WDR53: variants seen among roughly 807,000 people sequenced by gnomAD.
WDR53 encodes the protein WD repeat domain 53, also known as WD repeat-containing protein 53.
WDR53 carries 19 observed loss-of-function variants against 21.3 expected under a neutral mutation model. The ratio of observed to expected loss-of-function variants is 0.89; its 90% confidence interval spans 0.62 to 1.31. WDR53 has a LOEUF of 1.31. Among genes scored for constraint, WDR53 ranks in the 50% most tolerant of loss-of-function variants. The probability of loss-of-function intolerance (pLI) is 0.00; values close to 1 mark genes in which losing one functional copy is unlikely to be tolerated. For missense variants in WDR53, 374 were observed against 423.2 expected (o/e 0.88, Z 1.02); for synonymous variants, 157 against 163.4 (o/e 0.96, Z 0.30).
chr3:196,560,228 T>C (rs1734694574), intron 3 of WDR53, among the ~76,000 whole-genome samples: 1 of 150,314 alleles, frequency 6.7e-6, no homozygotes, highest in Non-Finnish European at 1.5e-5. Flanking sequence ...GGGCAATTTG[T>C]GATGCTCCTT....
intron 2 of WDR53, among the ~76,000 whole-genome samples, chr3:196,565,040 C>T (rs1031320733): frequency 6.6e-6 from 1 of 152,136 alleles, no homozygotes; most frequent in Non-Finnish European, 1.5e-5. Flanking sequence ...AGGCAATAAA[C>T]GAATTTTGTC....
At chr3:196,557,474 C>A (rs1010583258) in intron 3 of WDR53, among the ~76,000 whole-genome samples, 1 of 152,056 alleles carries the variant, frequency 6.6e-6, no homozygotes, top group Non-Finnish European at 1.5e-5. Context: ...TGAGGGAGTG[C>A]GAGGCTGCGG....
rs1734860680 is a variant in WDR53, at chr3:196,561,440, A to G, written c.36T>C (p.Pro12=). 1 of 1,613,984 alleles carries G rather than the reference A, an allele frequency of 6.2e-7. No individual in the cohort carries two copies. Among genetic ancestry groups the G allele is most frequent in the Admixed American group, 1.7e-5 (1 of 59,994 alleles). The stretch of plus-strand genomic sequence containing the variant: ...CTTTACTTGCATTCAGGCAGAGGAC[A>G]GGAGAAGAATGCCCACCCGTCCACT... ...AVKWTGGHSS[P]VLCLNASKEG... Residue 12 remains proline (P), a synonymous_variant, in exon 3 of 4, where the codon CCT becomes CCC. Coordinates refer to ENST00000332629, the MANE Select transcript of WDR53 (RefSeq NM_182627.3).
At chr3:196,563,318 G>T (rs1242778954) in intron 2 of WDR53, among the ~76,000 whole-genome samples, 1 of 152,180 alleles carries the variant, frequency 6.6e-6, no homozygotes, top group East Asian at 1.9e-4. Context: ...GTGCCCGCCT[G>T]CTGGTCAAGG....
At chr3:196,557,576 G>T (rs907837581) in intron 3 of WDR53, among the ~76,000 whole-genome samples, 5 of 152,050 alleles carry the variant, frequency 3.3e-5, no homozygotes, top group Non-Finnish European at 5.9e-5. Flanking sequence ...TACCATCCTG[G>T]TCTGTAAGTG....
intron 3 of WDR53, among the ~76,000 whole-genome samples, chr3:196,555,361 T>C (rs1186849162): frequency 1.3e-5 from 2 of 152,212 alleles, no homozygotes; most frequent in Non-Finnish European, 2.9e-5. Context: ...TTCTATTCTA[T>C]TAATTGACAT....
At chr3:196,558,864 AGT>A (rs750333165) in intron 3 of WDR53, among the ~76,000 whole-genome samples, 5 of 152,268 alleles carry the variant, frequency 3.3e-5, no homozygotes, top group Non-Finnish European at 7.3e-5. Flanking sequence ...ATCACAACCC[AGT>A]GTAGAAACAA....
At chr3:196,563,273 C>T (rs956325263) in intron 2 of WDR53, among the ~76,000 whole-genome samples, 1 of 152,164 alleles carries the variant, frequency 6.6e-6, no homozygotes, top group Non-Finnish European at 1.5e-5. Flanking sequence ...CCCAGATATA[C>T]ACACACTGGA....
chr3:196,559,733 G>C (rs1012188088), intron 3 of WDR53, among the ~76,000 whole-genome samples: 1 of 152,104 alleles, frequency 6.6e-6, no homozygotes, highest in African/African-American at 2.4e-5. Context: ...CCCAAACCAA[G>C]AAACTTTTCT....
intron 3 of WDR53, among the ~76,000 whole-genome samples, chr3:196,559,665 G>A (rs11707537): frequency 0.41 from 61,588 of 151,934 alleles, 13,064 homozygotes; most frequent in Middle Eastern, 0.53. Context: ...TTAAATGCCT[G>A]AACAGTGCTG....
At chr3:196,564,839 C>T (rs942329985) in intron 2 of WDR53, among the ~76,000 whole-genome samples, 1 of 152,166 alleles carries the variant, frequency 6.6e-6, no homozygotes. Context: ...TTCTCTGAAA[C>T]AAGAATGAGG....
chr3:196,566,350 A>AG (rs1033043873), intron 2 of WDR53, among the ~76,000 whole-genome samples: 1 of 151,576 alleles, frequency 6.6e-6, no homozygotes, highest in Non-Finnish European at 1.5e-5. Flanking sequence ...GGCCTCCCAA[A>AG]GTGCTGGGAT....
Position 196,568,521 on chromosome 3 carries a change from G to C in WDR53, c.-450C>G, listed in dbSNP as rs1735668460. On this transcript the variant is annotated splice_region_variant and 5_prime_UTR_variant, in exon 1 of 4. Coordinates refer to ENST00000332629, the MANE Select transcript of WDR53 (RefSeq NM_182627.3). ...AGCCACCGGCGCCAGCCTCATACCTGCGCTTCCCGCTCCCCTCCTCGGCGC... is the reference window on the plus strand; with the variant it reads ...AGCCACCGGCGCCAGCCTCATACCTCCGCTTCCCGCTCCCCTCCTCGGCGC... 1 of 152,420 alleles carries C rather than the reference G, an allele frequency of 6.6e-6. No individual in the cohort carries two copies. The highest frequency in any genetic ancestry group is 2.4e-5 in the African/African-American group (1 of 41,472). 9.4% of individuals were successfully genotyped at this position (152,420 alleles called of 1,614,324 possible).
chr3:196,566,835 T>C, intron 2 of WDR53, 42 bp downstream of exon 2: 1 of 177,244 alleles, frequency 5.6e-6, no homozygotes, highest in Non-Finnish European at 1.2e-5. Flanking sequence ...AGGTGAAAGA[T>C]TTGTAAAAAA....
At chr3:196,565,919 C>T (rs1185876916) in intron 2 of WDR53, among the ~76,000 whole-genome samples, 5 of 152,312 alleles carry the variant, frequency 3.3e-5, no homozygotes, top group African/African-American at 1.2e-4. Flanking sequence ...GTCACCATCC[C>T]CACATTCACG....
chr3:196,554,668 G>A lies in WDR53; in HGVS notation c.620C>T (p.Ser207Leu), dbSNP rs757530555. ...PALAHSISVA[S>L]CGNIFSCGAE... Reference sequence around the variant, plus strand: ...ACCACAACTAAAAATATTACCACACGAAGCCACAGAGATAGAATGGGCTAG... The same window carrying A: ...ACCACAACTAAAAATATTACCACACAAAGCCACAGAGATAGAATGGGCTAG... Residue 207 changes from serine (S) to leucine (L), a missense_variant, in exon 4 of 4, where the codon TCG becomes TTG. Transcript: ENST00000332629. 37 of 1,614,078 alleles carry A rather than the reference G, an allele frequency of 2.3e-5. No homozygotes were observed. Among genetic ancestry groups the A allele is most frequent in the South Asian group, 2.2e-5 (2 of 91,076 alleles).
chr3:196,560,088 T>G (rs989049019), intron 3 of WDR53, among the ~76,000 whole-genome samples: 2 of 152,212 alleles, frequency 1.3e-5, no homozygotes, highest in African/African-American at 4.8e-5. Context: ...TGCTTTCCCA[T>G]GACTTCTCTT....
intron 3 of WDR53, 150 bp downstream of exon 3, chr3:196,560,846 G>T: frequency 2.1e-6 from 2 of 940,688 alleles, no homozygotes; most frequent in Non-Finnish European, 3.2e-6. Context: ...TATCAGACTA[G>T]CATTAAATGT....
At position 196,554,614 on chromosome 3, in the gene WDR53, C is replaced by G. The variant is rs776077691; in HGVS notation, c.674G>C (p.Arg225Pro). Residue 225 changes from arginine (R) to proline (P), a missense_variant, in exon 4 of 4, where the codon CGG becomes CCG. Arg to Pro is a moderately radical substitution (Grantham distance 103). Coordinates refer to ENST00000332629, the MANE Select transcript of WDR53 (RefSeq NM_182627.3). ...CTGTTCACACTTAACTCCCATCACC[C>G]GAAAGATTCGAACCTTACCATCTTC... Reference protein sequence around the residue: ...GAEDGKVRIFRVMGVKCEQEL... With the variant: ...GAEDGKVRIFPVMGVKCEQEL... 1.3e-5 allele frequency: 21 copies of G among 1,613,936 alleles called. No homozygotes were observed. The highest frequency in any genetic ancestry group is 1.7e-5 in the Non-Finnish European group (20 of 1,180,028).
Sources: gnomAD v4.1 joint callset for allele counts (sites outside exome capture counted in the v4.1 genomes callset) on GRCh38, gnomAD v4.1.1 for gene constraint, MANE v1.5 for transcripts, NCBI Gene and HGNC (gene_info 2026-07-23, HGNC 2026-07-21) for gene names.